The following KIAA1217 variants were observed in gnomAD, a reference collection of about 807,000 sequenced individuals.
KIAA1217 encodes the protein sickle tail protein homolog.
In KIAA1217, 88 loss-of-function variants were observed where a neutral mutation model predicts 163.9. The ratio of observed to expected loss-of-function variants is 0.54; its 90% CI spans 0.45 to 0.64. KIAA1217 has a LOEUF of 0.64. Ranked by LOEUF, KIAA1217 falls within the 30% of genes least tolerant of loss-of-function variation. KIAA1217 has a pLI of 0.00. For synonymous variants in KIAA1217, 903 were observed against 923.1 expected (o/e 0.98, Z 0.39); for missense variants, 2,372 against 2,475.0 (o/e 0.96, Z 0.88).
At chr10:24,039,395 T>C (rs1848531778) in intron 2 of KIAA1217, among the ~76,000 whole-genome samples, 1 of 152,184 alleles carries the variant, frequency 6.6e-6, no homozygotes. Flanking sequence ...TTTTGAAATG[T>C]GGTCGATTCC....
At position 24,474,037 on chromosome 10, in the gene KIAA1217, A is replaced by G. The variant is rs1211674379; in HGVS notation, c.1656A>G (p.Thr552=). Reference sequence around the variant, plus strand: ...AAGTTTTTGCCTACAGCACGGCGACAATACCCAAAGACAGAGAGACCAGGT... The same window carrying G: ...AAGTTTTTGCCTACAGCACGGCGACGATACCCAAAGACAGAGAGACCAGGT... ...EKQVFAYSTA[T]IPKDRETRER... Residue 552 remains threonine (T), a synonymous_variant, in exon 6 of 21, where the codon ACA becomes ACG. Transcript: ENST00000376454. 6.2e-7 allele frequency: 1 copy of G among 1,608,844 alleles called. No individual in the cohort carries two copies. The highest frequency in any genetic ancestry group is 8.5e-7 in the Non-Finnish European group (1 of 1,176,948).
At chr10:24,175,718 C>G (rs1166045246) in intron 2 of KIAA1217, among the ~76,000 whole-genome samples, 1 of 152,096 alleles carries the variant, frequency 6.6e-6, no homozygotes. Flanking sequence ...TTTCTTCCTT[C>G]TGGTGGGTTC....
chr10:24,066,781 A>G (rs1483756365), intron 2 of KIAA1217, among the ~76,000 whole-genome samples: 2 of 152,204 alleles, frequency 1.3e-5, no homozygotes, highest in Non-Finnish European at 2.9e-5. Context: ...CAGGTACACC[A>G]ATTAGACGTA....
intron 3 of KIAA1217, 37 bp from the exon 4 acceptor site, chr10:24,432,958 T>C (rs1402539385): frequency 1.3e-6 from 2 of 1,578,830 alleles, no homozygotes; most frequent in African/African-American, 2.7e-5. Flanking sequence ...CCCCTGAGTC[T>C]TGACCTGTGA....
At chr10:23,842,150 G>A (rs376497163) in intron 1 of KIAA1217, among the ~76,000 whole-genome samples, 120 of 152,220 alleles carry the variant, frequency 7.9e-4, no homozygotes, top group African/African-American at 2.7e-3. Flanking sequence ...TTACAGGTGT[G>A]AGCCACCGTG....
intron 1 of KIAA1217, among the ~76,000 whole-genome samples, chr10:23,915,780 C>G (rs957219638): frequency 1.3e-5 from 2 of 152,050 alleles, no homozygotes; most frequent in African/African-American, 4.8e-5. Flanking sequence ...GATGACCAGA[C>G]CCAGGAGGAA....
intron 1 of KIAA1217, among the ~76,000 whole-genome samples, chr10:23,704,473 T>G (rs1564352048): frequency 6.6e-6 from 1 of 151,886 alleles, no homozygotes; most frequent in African/African-American, 2.4e-5. Flanking sequence ...TTCCAGCCTG[T>G]CAGCCCCTGA....
At chr10:24,005,138 C>T (rs2027238) in intron 1 of KIAA1217, among the ~76,000 whole-genome samples, 50,956 of 152,022 alleles carry the variant, frequency 0.34, 8,557 homozygotes, top group South Asian at 0.39. Flanking sequence ...CCACTTACAG[C>T]GTGATTTTGG....
intron 9 of KIAA1217, among the ~76,000 whole-genome samples, chr10:24,511,871 G>A (rs973761872): frequency 5.3e-5 from 8 of 152,272 alleles, no homozygotes; most frequent in Middle Eastern, 3.4e-3. Context: ...TGGCTGGTAC[G>A]TGTTCAGGTT....
At chr10:24,456,705 C>CTTTTT (rs755613792) in intron 5 of KIAA1217, among the ~76,000 whole-genome samples, 1 of 141,182 alleles carries the variant, frequency 7.1e-6, no homozygotes, top group Non-Finnish European at 1.5e-5. Context: ...AGGATTAAAC[C>CTTTTT]TTTTTTTTTT....
chr10:24,439,915 T>G (rs140761531), intron 5 of KIAA1217, among the ~76,000 whole-genome samples: 35 of 152,326 alleles, frequency 2.3e-4, no homozygotes, highest in African/African-American at 7.9e-4. Context: ...AGTCACAGGT[T>G]GAGGGGACTA....
At chr10:24,060,573 T>A (rs2131599932) in intron 2 of KIAA1217, among the ~76,000 whole-genome samples, 1 of 152,274 alleles carries the variant, frequency 6.6e-6, no homozygotes, top group Non-Finnish European at 1.5e-5. Context: ...GGTGGAAGGA[T>A]TACATGAGGC....
chr10:23,882,132 C>T (rs1840976381), intron 1 of KIAA1217, among the ~76,000 whole-genome samples: 1 of 151,772 alleles, frequency 6.6e-6, no homozygotes, highest in Non-Finnish European at 1.5e-5. Context: ...ACATATAAAC[C>T]CACCACAATT....
intron 14 of KIAA1217, among the ~76,000 whole-genome samples, chr10:24,529,671 C>T (rs2072808720): frequency 6.6e-6 from 1 of 152,082 alleles, no homozygotes. Context: ...TTACACCTTT[C>T]CCCACCATCC....
chr10:23,893,558 T>C (rs1191194775), intron 1 of KIAA1217, among the ~76,000 whole-genome samples: 3 of 151,996 alleles, frequency 2.0e-5, no homozygotes, highest in African/African-American at 7.2e-5. Context: ...TGCTCTTGCT[T>C]TTCTAGTTCT....
intron 2 of KIAA1217, among the ~76,000 whole-genome samples, chr10:24,356,633 T>C (rs1714776150): frequency 6.6e-6 from 1 of 152,212 alleles, no homozygotes; most frequent in South Asian, 2.1e-4. Context: ...CAGGAATGAA[T>C]TAATTCTGTT....
intron 2 of KIAA1217, among the ~76,000 whole-genome samples, chr10:24,080,389 C>G (rs1426490991): frequency 1.3e-5 from 2 of 152,112 alleles, no homozygotes; most frequent in Non-Finnish European, 2.9e-5. Flanking sequence ...CTGTCCTTGG[C>G]GTGACTAGTA....
intron 5 of KIAA1217, among the ~76,000 whole-genome samples, chr10:24,465,184 C>A (rs944983445): frequency 4.0e-5 from 6 of 151,392 alleles, no homozygotes; most frequent in Non-Finnish European, 7.4e-5. Flanking sequence ...AAATAACAAA[C>A]CCTTGCTGAT....
intron 13 of KIAA1217, 72 bp from the exon 14 acceptor site, chr10:24,527,864 T>G: frequency 1.2e-5 from 14 of 1,207,032 alleles, no homozygotes; most frequent in Non-Finnish European, 1.4e-5. Context: ...CTCCACCCTC[T>G]GAGAGGTCCC....
Sources: gnomAD v4.1 joint callset for allele counts (sites outside exome capture counted in the v4.1 genomes callset) on GRCh38, gnomAD v4.1.1 for gene constraint, MANE v1.5 for transcripts, NCBI Gene and HGNC (gene_info 2026-07-23, HGNC 2026-07-21) for gene names.